CALN1: variants seen among roughly 807,000 people sequenced by gnomAD.
CALN1 encodes calneuron 1.
Under a neutral mutation model 30.6 loss-of-function variants are expected in CALN1, and 17 were observed. That is an observed-to-expected ratio of 0.56 (90% confidence interval 0.38 to 0.83). The LOEUF (loss-of-function observed/expected upper bound fraction) is 0.83, where lower values mean the gene tolerates loss of function less well. CALN1 is among the 40% of genes least tolerant of loss of function. The probability of loss-of-function intolerance (pLI) is 0.00; values close to 1 mark genes in which losing one functional copy is unlikely to be tolerated. For synonymous variants in CALN1, 156 were observed against 131.4 expected (o/e 1.19, Z -1.28); for missense variants, 291 against 354.9 (o/e 0.82, Z 1.45).
At chr7:72,065,031 T>TTTCAGAATACATGTAA (rs1803917383) in intron 4 of CALN1, among the ~76,000 whole-genome samples, 1 of 148,380 alleles carries the variant, frequency 6.7e-6, no homozygotes, top group African/African-American at 2.5e-5. Flanking sequence ...GAAATAGTGA[T>TTTCAGAATACATGTAA]ATACATGTAA....
intron 1 of CALN1, among the ~76,000 whole-genome samples, chr7:72,439,544 G>A (rs1458458631): frequency 3.3e-5 from 5 of 151,850 alleles, no homozygotes; most frequent in African/African-American, 1.2e-4. Context: ...TTAAGTGGGA[G>A]TGGATCATCA....
chr7:72,487,713 A>AGAGAAAGAAAGAAAGAAAGAAAGAAAG, the CALN1 span, among the ~76,000 whole-genome samples: 1 of 68,664 alleles, frequency 1.5e-5, no homozygotes, highest in African/African-American at 1.0e-4. Flanking sequence ...AAAAGAAAAG[A>AGAGAAAGAAAGAAAGAAAGAAAGAAAG]AAAGAAAGAA....
At chr7:72,050,859 C>G (rs139698915) in intron 4 of CALN1, among the ~76,000 whole-genome samples, 1 of 151,732 alleles carries the variant, frequency 6.6e-6, no homozygotes, top group Non-Finnish European at 1.5e-5. Context: ...AAAAATTAGC[C>G]AAGCATGGTA....
chr7:72,203,979 C>CTTTTTTTTTTTT lies in CALN1; in HGVS notation c.244+74695_244+74706dup, dbSNP rs869149598. Among the ~76,000 whole-genome samples the CTTTTTTTTTTTT allele has an allele frequency of 3.7e-4, 31 of 83,808 alleles. 6 individuals are homozygous for CTTTTTTTTTTTT. The highest frequency in any genetic ancestry group is 1.6e-3 in the African/African-American group (30 of 19,132). The allele number at this position is 83,808 out of a possible 152,430, so 55.0% of individuals were successfully genotyped here. A position where few individuals can be genotyped will look rare whatever the true frequency, so the allele number is the denominator to read the frequency against. Reference sequence around the variant, plus strand: ...TAGCCTTCATATAAGAGGCCTCTCTCTTTTTTTTTTTTTTTTTTTTTTTTT... The same window carrying CTTTTTTTTTTTT: ...TAGCCTTCATATAAGAGGCCTCTCTCTTTTTTTTTTTTTTTTTTTTTTTTTTTTTTTTTTTTT... On this transcript the variant is annotated intron_variant, in intron 3 of 6. Coordinates refer to ENST00000395275, the MANE Select transcript of CALN1 (RefSeq NM_031468.4).
At chr7:72,104,510 A>C (rs1215346453) in intron 4 of CALN1, among the ~76,000 whole-genome samples, 2 of 152,092 alleles carry the variant, frequency 1.3e-5, no homozygotes, top group Non-Finnish European at 2.9e-5. Context: ...CCTTGGTATT[A>C]AGCCCAGCAC....
At chr7:71,918,508 A>G (rs1452587902) in intron 5 of CALN1, among the ~76,000 whole-genome samples, 1 of 152,112 alleles carries the variant, frequency 6.6e-6, no homozygotes, top group Non-Finnish European at 1.5e-5. Flanking sequence ...CTGCTTTCCT[A>G]CTGGGAGAAC....
chr7:72,092,721 G>C (rs576403062), intron 4 of CALN1, among the ~76,000 whole-genome samples: 2 of 151,222 alleles, frequency 1.3e-5, no homozygotes, highest in South Asian at 4.2e-4. Flanking sequence ...TCCCTTCTGG[G>C]CATATAGTTG....
At chr7:72,332,766 C>G (rs1342123461) in intron 2 of CALN1, among the ~76,000 whole-genome samples, 2 of 152,084 alleles carry the variant, frequency 1.3e-5, no homozygotes, top group African/African-American at 4.8e-5. Context: ...TTGCTTGCAA[C>G]CCAAGGATCC....
intron 5 of CALN1, among the ~76,000 whole-genome samples, chr7:71,988,195 A>G (rs1426908927): frequency 1.3e-5 from 2 of 152,218 alleles, no homozygotes; most frequent in Non-Finnish European, 2.9e-5. Context: ...GCACAGTTCC[A>G]TCAACCCTAG....
chr7:72,269,214 T>G (rs1360500099), intron 3 of CALN1, among the ~76,000 whole-genome samples: 1 of 152,184 alleles, frequency 6.6e-6, no homozygotes, highest in Non-Finnish European at 1.5e-5. Flanking sequence ...AGATTTTATT[T>G]TATTTTATTA....
At chr7:72,222,611 A>ATT (rs1236632272) in intron 3 of CALN1, among the ~76,000 whole-genome samples, 1 of 152,108 alleles carries the variant, frequency 6.6e-6, no homozygotes, top group African/African-American at 2.4e-5. Context: ...GGGGACACAG[A>ATT]TCCAAACCAT....
chr7:72,211,925 T>C (rs1792425263), intron 3 of CALN1, among the ~76,000 whole-genome samples: 1 of 152,140 alleles, frequency 6.6e-6, no homozygotes, highest in South Asian at 2.1e-4. Context: ...TGGCCCACAT[T>C]AAAAGCACAA....
chr7:72,397,714 TCACACACACACACACACACACA>T (rs3138810), intron 2 of CALN1, among the ~76,000 whole-genome samples: 1 of 142,806 alleles, frequency 7.0e-6, no homozygotes. Context: ...CCATTCTCTC[TCACACACACACACACACACACA>T]CACACACACA....
chr7:72,479,289 A>G, the CALN1 span, among the ~76,000 whole-genome samples: 1 of 152,148 alleles, frequency 6.6e-6, no homozygotes, highest in Admixed American at 6.6e-5. Flanking sequence ...TTCTGGATTC[A>G]AGACTTCTAT....
Position 72,330,057 on chromosome 7 carries a change from GAGGC to G in CALN1, c.120-51251_120-51248del, listed in dbSNP as rs1390668508. On this transcript the variant is annotated intron_variant, in intron 2 of 6. Coordinates refer to ENST00000395275, the MANE Select transcript of CALN1 (RefSeq NM_031468.4). Reference sequence around the variant, plus strand: ...TGTAATCCCAGCACTTTGGGAGGCTGAGGCAGGCGGATCACCTGAGGTGTCAGGA... The same window carrying G: ...TGTAATCCCAGCACTTTGGGAGGCTGAGGCGGATCACCTGAGGTGTCAGGA... Among the ~76,000 whole-genome samples, 3 of 152,136 alleles carry G rather than the reference GAGGC, an allele frequency of 2.0e-5. No homozygotes were observed. In the South Asian group the frequency reaches 6.2e-4, roughly 32 times the overall value.
chr7:71,966,501 A>G lies in CALN1; in HGVS notation c.501+57156T>C, dbSNP rs146667337. 1.7e-3 allele frequency among the ~76,000 whole-genome samples: 261 copies of G among 152,208 alleles called. No homozygotes were observed. The Middle Eastern group carries it at 0.027, about 16-fold the overall frequency. ...GAGTTCTCATGACATCTGGTCATTT[A>G]AAAGTGTGTGGCACCTCCCTCCTCT... On this transcript the variant is annotated intron_variant, in intron 5 of 6. Transcript: ENST00000395275.
intron 3 of CALN1, among the ~76,000 whole-genome samples, chr7:72,117,445 G>T (rs1401188443): frequency 6.6e-6 from 1 of 152,080 alleles, no homozygotes; most frequent in African/African-American, 2.4e-5. Flanking sequence ...GACACTGTTT[G>T]GTCAGTCTTA....
chr7:72,096,977 C>T (rs1354402716), intron 4 of CALN1, among the ~76,000 whole-genome samples: 1 of 152,088 alleles, frequency 6.6e-6, no homozygotes, highest in Non-Finnish European at 1.5e-5. Flanking sequence ...TACTATGCAG[C>T]CATAAAAAAG....
chr7:72,406,908 G>A (rs568308356), intron 1 of CALN1, among the ~76,000 whole-genome samples: 4 of 152,112 alleles, frequency 2.6e-5, no homozygotes, highest in South Asian at 4.2e-4. Context: ...GAGCCACCGC[G>A]CCAGCCCCTT....
Sources: gnomAD v4.1 joint callset for allele counts (sites outside exome capture counted in the v4.1 genomes callset) on GRCh38, gnomAD v4.1.1 for gene constraint, MANE v1.5 for transcripts, NCBI Gene and HGNC (gene_info 2026-07-23, HGNC 2026-07-21) for gene names.